Variants in SYT1 observed in about 807,000 individuals in gnomAD.
SYT1 encodes synaptotagmin 1.
SYT1 carries 8 observed loss-of-function variants against 44.8 expected under a neutral mutation model. The observed-to-expected ratio is 0.18, with a 90% CI of 0.10 to 0.32. The LOEUF is 0.32. Among genes scored for constraint, SYT1 ranks in the 10% least tolerant of loss-of-function variants. The pLI is 1.00. For synonymous variants in SYT1, 154 were observed against 188.8 expected (o/e 0.82, Z 1.51); for missense variants, 286 against 509.3 (o/e 0.56, Z 4.22).
chr12:78,983,722 G>A (rs1490722777), intron 2 of SYT1, among the ~76,000 whole-genome samples: 1 of 151,958 alleles, frequency 6.6e-6, no homozygotes, highest in Non-Finnish European at 1.5e-5. Flanking sequence ...GGTTCAAGAA[G>A]AACTAAAAGG....
intron 3 of SYT1, among the ~76,000 whole-genome samples, chr12:79,168,453 G>T (rs1592812183): frequency 6.6e-6 from 1 of 152,196 alleles, no homozygotes; most frequent in African/African-American, 2.4e-5. Context: ...ATCTGGCAAA[G>T]ATGGGACGGC....
intron 4 of SYT1, among the ~76,000 whole-genome samples, chr12:79,254,086 A>G (rs992490827): frequency 1.3e-5 from 2 of 152,240 alleles, no homozygotes; most frequent in African/African-American, 4.8e-5. Flanking sequence ...AGGTGGCCAC[A>G]CTAAACAACA....
intron 3 of SYT1, among the ~76,000 whole-genome samples, chr12:79,185,095 T>G (rs1271179654): frequency 6.6e-6 from 1 of 152,030 alleles, no homozygotes; most frequent in Non-Finnish European, 1.5e-5. Context: ...TCTGTACTAC[T>G]GATCCTCAGG....
At chr12:79,135,412 T>G (rs1809116848) in intron 3 of SYT1, among the ~76,000 whole-genome samples, 1 of 152,148 alleles carries the variant, frequency 6.6e-6, no homozygotes, top group Admixed American at 6.5e-5. Flanking sequence ...AGCCAGGACT[T>G]CTAATATCCT....
intron 1 of SYT1, among the ~76,000 whole-genome samples, chr12:78,894,998 T>G (rs2137081787): frequency 1.3e-5 from 2 of 151,766 alleles, no homozygotes; most frequent in East Asian, 3.9e-4. Flanking sequence ...TATACATATA[T>G]CAAAACATAT....
chr12:79,231,723 A>C (rs560939447), intron 4 of SYT1, among the ~76,000 whole-genome samples: 5 of 152,178 alleles, frequency 3.3e-5, no homozygotes, highest in Non-Finnish European at 7.3e-5. Flanking sequence ...AATGTAAAAA[A>C]TTTATTTTTG....
rs1264968303 is a variant in SYT1 at position 79,124,328 on chromosome 12, T to A, written c.-18+76966T>A. 6.0e-5 allele frequency among the ~76,000 whole-genome samples: 9 copies of A among 149,822 alleles called. 1 individual carries two copies. The highest frequency in any genetic ancestry group is 6.0e-4 in the Admixed American group (9 of 15,126). On this transcript the variant is annotated intron_variant, in intron 3 of 10. Transcript: ENST00000261205. Reference sequence around the variant, plus strand: ...CCTTCGCAACTTTCTTGCTGTATGATCTTGGAGACAATACCACCAAAGCTC... The same window carrying A: ...CCTTCGCAACTTTCTTGCTGTATGAACTTGGAGACAATACCACCAAAGCTC...
chr12:79,078,796 A>G lies in SYT1; in HGVS notation c.-18+31434A>G, dbSNP rs1008329347. On this transcript the variant is annotated intron_variant, in intron 3 of 10. Transcript: ENST00000261205. ...AGAATACATCAGTTTGTGTATACAC[A>G]CACACAGAAAGAAACGGGAGCGTTA... Among the ~76,000 whole-genome samples the G allele has an allele frequency of 7.9e-5, 12 of 152,324 alleles. 1 individual carries two copies. In the South Asian group the frequency reaches 2.5e-3, roughly 32 times the overall value.
chr12:78,918,009 G>A (rs1203274352), intron 1 of SYT1, among the ~76,000 whole-genome samples: 1 of 151,898 alleles, frequency 6.6e-6, no homozygotes, highest in Admixed American at 6.6e-5. Flanking sequence ...TATTAACACA[G>A]GTTTTTTTGC....
intron 3 of SYT1, among the ~76,000 whole-genome samples, chr12:79,125,092 C>A (rs946039891): frequency 1.3e-5 from 2 of 151,978 alleles, no homozygotes; most frequent in Non-Finnish European, 2.9e-5. Context: ...TGCATCCTTG[C>A]GTCTTTTTAT....
rs189419099 is a variant in SYT1 at position 79,003,458 on chromosome 12, G to A, written c.-84+25527G>A. Among the ~76,000 whole-genome samples, 82 of 151,980 alleles carry A rather than the reference G, an allele frequency of 5.4e-4. 1 individual carries two copies. The highest frequency in any genetic ancestry group is 4.3e-3 in the East Asian group (22 of 5,174). The stretch of plus-strand genomic sequence containing the variant: ...TATGTTATTTAAAACCCACAGTGGC[G>A]GAGTTGTAGCTTATCAAAAGCCTCA... On this transcript the variant is annotated intron_variant, in intron 2 of 10. Transcript: ENST00000261205.
chr12:78,916,996 G>T (rs1876690432), intron 1 of SYT1, among the ~76,000 whole-genome samples: 2 of 151,964 alleles, frequency 1.3e-5, no homozygotes, highest in South Asian at 4.1e-4. Context: ...GCAGTGGCAT[G>T]ATGATGACTC....
chr12:78,881,396 A>G (rs951234930), intron 1 of SYT1, among the ~76,000 whole-genome samples: 1 of 151,610 alleles, frequency 6.6e-6, no homozygotes, highest in Non-Finnish European at 1.5e-5. Context: ...TTGTTTTAGG[A>G]TTATTGTTCA....
At chr12:79,272,216 G>A (rs1327030641) in intron 4 of SYT1, among the ~76,000 whole-genome samples, 1 of 152,236 alleles carries the variant, frequency 6.6e-6, no homozygotes. Flanking sequence ...ATAGAGGTGA[G>A]TGTGGGGGAA....
At chr12:79,241,147 C>G (rs972951359) in intron 4 of SYT1, among the ~76,000 whole-genome samples, 3 of 152,108 alleles carry the variant, frequency 2.0e-5, no homozygotes, top group Non-Finnish European at 4.4e-5. Context: ...GCACTTCAGC[C>G]TGAACAACAG....
chr12:79,074,161 T>G (rs990698629), intron 3 of SYT1, among the ~76,000 whole-genome samples: 6 of 152,210 alleles, frequency 3.9e-5, no homozygotes, highest in Admixed American at 6.5e-5. Flanking sequence ...GTAATTAATC[T>G]TTAAAATAAC....
chr12:78,866,245 G>T (rs531623529), intron 1 of SYT1, among the ~76,000 whole-genome samples: 65 of 152,136 alleles, frequency 4.3e-4, no homozygotes, highest in African/African-American at 1.4e-3. Context: ...ACTTATGCCT[G>T]GCTTTATTTT....
intron 2 of SYT1, among the ~76,000 whole-genome samples, chr12:79,002,251 G>A (rs549467044): frequency 3.3e-5 from 5 of 152,166 alleles, no homozygotes; most frequent in East Asian, 3.9e-4. Flanking sequence ...AGAACAAAGT[G>A]CATCAATGCA....
intron 3 of SYT1, among the ~76,000 whole-genome samples, chr12:79,186,812 G>T (rs2138433386): frequency 6.6e-6 from 1 of 152,080 alleles, no homozygotes; most frequent in South Asian, 2.1e-4. Flanking sequence ...ATTAGTGAAT[G>T]TCAATTTCAT....
Sources: gnomAD v4.1 joint callset for allele counts (sites outside exome capture counted in the v4.1 genomes callset) on GRCh38, gnomAD v4.1.1 for gene constraint, MANE v1.5 for transcripts, NCBI Gene and HGNC (gene_info 2026-07-23, HGNC 2026-07-21) for gene names.